Variants in GALNT11 observed in about 807,000 individuals in gnomAD.
GALNT11 encodes the protein UDP-GalNAc:polypeptide N-acetylgalactosaminyltransferase 11.
In GALNT11, 47 loss-of-function variants were observed where a neutral mutation model predicts 72.7. The ratio of observed to expected loss-of-function variants is 0.65; its 90% confidence interval spans 0.51 to 0.82. GALNT11 has a LOEUF of 0.82. Among genes scored for constraint, GALNT11 ranks in the 40% least tolerant of loss-of-function variants. The pLI, the probability that GALNT11 is intolerant of heterozygous loss-of-function variation, is 0.00. For synonymous variants in GALNT11, 270 were observed against 286.6 expected, an observed-to-expected ratio of 0.94 and a Z score of 0.58; for missense variants, 677 against 778.4, an observed-to-expected ratio of 0.87 and a Z score of 1.55.
rs2089460085 is a variant in GALNT11, at chr7:152,121,907, G to A, written c.*230G>A. On this transcript the variant is annotated 3_prime_UTR_variant, in exon 12 of 12. Coordinates refer to ENST00000430044, the MANE Select transcript of GALNT11 (RefSeq NM_022087.4). ...AGTGAGTGTCCACGGGTGAAGAAGT[G>A]AGTATGTTTCACCTGGACATTAAGG... The A allele has an allele frequency of 2.2e-6, 1 of 458,388 alleles. No individual in the cohort carries two copies. The allele number at this position is 458,388 out of a possible 1,614,324, so 28.4% of individuals were successfully genotyped here.
chr7:152,034,534 C>T (rs2082461714), intron 1 of GALNT11, among the ~76,000 whole-genome samples: 1 of 152,152 alleles, frequency 6.6e-6, no homozygotes, highest in Non-Finnish European at 1.5e-5. Flanking sequence ...GGATGCATTT[C>T]AAGGGTGAGC....
chr7:152,091,232 T>TTTA (rs765242489), intron 1 of GALNT11, among the ~76,000 whole-genome samples: 23 of 150,308 alleles, frequency 1.5e-4, no homozygotes, highest in African/African-American at 3.9e-4. Context: ...ATATATTTAT[T>TTTA]TTATTATTAT....
At chr7:152,070,003 CTTTTTT>C (rs71198756) in intron 1 of GALNT11, among the ~76,000 whole-genome samples, 2 of 141,650 alleles carry the variant, frequency 1.4e-5, no homozygotes, top group South Asian at 4.4e-4. Flanking sequence ...TTTTCTTTTT[CTTTTTT>C]TTTTTGAGAC....
intron 5 of GALNT11, among the ~76,000 whole-genome samples, chr7:152,105,766 ACT>A (rs1200417566): frequency 6.6e-6 from 1 of 152,228 alleles, no homozygotes; most frequent in African/African-American, 2.4e-5. Context: ...TATGCTTTTA[ACT>A]CTTAGTGCGG....
intron 11 of GALNT11, 114 bp from the exon 12 acceptor site, chr7:152,121,432 A>G (rs1382259355): frequency 1.8e-5 from 23 of 1,287,362 alleles, no homozygotes; most frequent in Non-Finnish European, 2.3e-5. Flanking sequence ...ACCTTTGGCT[A>G]AGAGGGGACT....
chr7:152,059,791 GC>G (rs1345107895), intron 1 of GALNT11, among the ~76,000 whole-genome samples: 1 of 152,188 alleles, frequency 6.6e-6, no homozygotes, highest in African/African-American at 2.4e-5. Flanking sequence ...CATTTCTAGA[GC>G]ACAGGCAGAG....
In GALNT11 at chr7:152,025,689, C is replaced by T. The variant is rs1401482833; in HGVS notation, c.-234C>T. ...GCGGCGCTGGGCGGAGGCAGCGGCT[C>T]GGGGACTGGGCGAGGGCCCTGGGCC... On this transcript the variant is annotated 5_prime_UTR_variant, in exon 1 of 12. Transcript: ENST00000430044. 2 of 150,228 alleles carry T rather than the reference C, an allele frequency of 1.3e-5. No homozygotes were observed. The highest frequency in any genetic ancestry group is 2.4e-5 in the African/African-American group (1 of 41,174). 9.3% of individuals were successfully genotyped at this position (150,228 alleles called of 1,614,324 possible).
chr7:152,096,257 A>C (rs1301417700), intron 2 of GALNT11, among the ~76,000 whole-genome samples: 1 of 152,204 alleles, frequency 6.6e-6, no homozygotes, highest in Non-Finnish European at 1.5e-5. Context: ...TTTGTTGTAA[A>C]GAGGGAAAAG....
intron 10 of GALNT11, chr7:152,120,210 G>C (rs1412559409): frequency 2.6e-5 from 4 of 152,346 alleles, no homozygotes; most frequent in African/African-American, 9.6e-5. Flanking sequence ...TTCTCTCACA[G>C]CTCCCTATGA....
intron 1 of GALNT11, among the ~76,000 whole-genome samples, chr7:152,037,993 C>T (rs1450494536): frequency 6.6e-6 from 1 of 152,156 alleles, no homozygotes; most frequent in Non-Finnish European, 1.5e-5. Context: ...TGGTCTCGAA[C>T]TCCTGACCTC....
intron 7 of GALNT11, among the ~76,000 whole-genome samples, chr7:152,111,639 TA>T (rs1483812762): frequency 3.4e-5 from 5 of 147,568 alleles, no homozygotes; most frequent in African/African-American, 1.0e-4. Context: ...TATATATATA[TA>T]TATATTTTTT....
chr7:152,116,322 T>C (rs1029197714), intron 8 of GALNT11, among the ~76,000 whole-genome samples: 1 of 152,162 alleles, frequency 6.6e-6, no homozygotes, highest in East Asian at 1.9e-4. Context: ...ACGATCTCAA[T>C]TCACTGCAAC....
chr7:152,100,819 A>T lies in GALNT11; in HGVS notation c.317A>T (p.Asp106Val). 1 of 1,613,930 alleles carries T rather than the reference A, an allele frequency of 6.2e-7. No individual in the cohort carries two copies. The highest frequency in any genetic ancestry group is 8.5e-7 in the Non-Finnish European group (1 of 1,179,966). Reference sequence around the variant, plus strand: ...GCAGGTATGATTTTTAATGAACGCGATCAAGAGTTGAGAGACTTGGGCTAT... The same window carrying T: ...GCAGGTATGATTTTTAATGAACGCGTTCAAGAGTTGAGAGACTTGGGCTAT... ...SELGMIFNER[D>V]QELRDLGYQK... The change falls in exon 3 of 12, where the codon GAT becomes GTT. Residue 106 changes from aspartate to valine, a missense_variant. Coordinates refer to ENST00000430044, the MANE Select transcript of GALNT11 (RefSeq NM_022087.4).
rs560835103 is a variant in GALNT11, at chr7:152,117,444, A to C, written c.1452+69A>C. On this transcript the variant is annotated intron_variant, in intron 9 of 11. Transcript: ENST00000430044. Reference sequence around the variant, plus strand: ...ATATGAAAAGTTTTGAGGTGTCCATAAGCTATGACAGGTGACACTGTGGAC... The same window carrying C: ...ATATGAAAAGTTTTGAGGTGTCCATCAGCTATGACAGGTGACACTGTGGAC... The C allele has an allele frequency of 7.5e-5, 108 of 1,433,706 alleles. No individual in the cohort carries two copies. In the African/African-American group the frequency reaches 1.2e-3, roughly 16 times the overall value. 88.8% of individuals were successfully genotyped at this position (1,433,706 alleles called of 1,614,324 possible). A position where few individuals can be genotyped will look rare whatever the true frequency, so the allele number is the denominator to read the frequency against.
chr7:152,094,571 G>T lies in GALNT11; in HGVS notation c.295+49G>T. 1 of 1,503,396 alleles carries T rather than the reference G, an allele frequency of 6.7e-7. No homozygotes were observed. Among genetic ancestry groups the T allele is most frequent in the East Asian group, 2.3e-5 (1 of 43,420 alleles). 93.1% of individuals were successfully genotyped at this position (1,503,396 alleles called of 1,614,324 possible). A position where few individuals can be genotyped will look rare whatever the true frequency, so the allele number is the denominator to read the frequency against. ...ATCCATATCAATGTATTTAATCACT[G>T]GAAGTTTGATTAATTAGTTAATTAG... is the stretch of plus-strand genomic sequence containing the variant. On this transcript the variant is annotated intron_variant, in intron 2 of 11. Transcript: ENST00000430044. This position sits in a 1 kb window ranked among gnomAD's most constrained non-coding sequence, Gnocchi z 4.3.
At chr7:152,042,847 A>G (rs570448812) in intron 1 of GALNT11, among the ~76,000 whole-genome samples, 21 of 152,284 alleles carry the variant, frequency 1.4e-4, no homozygotes, top group African/African-American at 4.1e-4. Context: ...AACTACTTTG[A>G]TATACTTTAG....
intron 1 of GALNT11, among the ~76,000 whole-genome samples, chr7:152,092,472 T>C (rs1164960725): frequency 1.3e-5 from 2 of 152,210 alleles, no homozygotes; most frequent in Non-Finnish European, 2.9e-5. Flanking sequence ...TTTCCAGCCA[T>C]GCCTCTGGTA....
At chr7:152,030,219 A>C (rs1301708112) in intron 1 of GALNT11, among the ~76,000 whole-genome samples, 1 of 152,134 alleles carries the variant, frequency 6.6e-6, no homozygotes, top group Non-Finnish European at 1.5e-5. Flanking sequence ...TCTGCTAAGT[A>C]GCGGGTGTTT....
chr7:152,074,497 A>G (rs1563057795), intron 1 of GALNT11: 1 of 152,114 alleles, frequency 6.6e-6, no homozygotes, highest in East Asian at 1.9e-4. Flanking sequence ...TGCTCTGTAT[A>G]TCAGTTTTTA....
Sources: gnomAD v4.1 joint callset for allele counts (sites outside exome capture counted in the v4.1 genomes callset) on GRCh38, gnomAD v4.1.1 for gene constraint, Gnocchi (gnomAD v3.1) non-coding constraint, MANE v1.5 for transcripts, NCBI Gene and HGNC (gene_info 2026-07-23, HGNC 2026-07-21) for gene names.